MBNL1: variants seen among roughly 807,000 people sequenced by gnomAD.
MBNL1 encodes muscleblind-like protein 1.
In MBNL1, 8 loss-of-function variants were observed where a neutral mutation model predicts 42.2. The observed-to-expected ratio is 0.19, with a 90% confidence interval of 0.11 to 0.34. The LOEUF is 0.34. Ranked by LOEUF, MBNL1 falls within the 10% of genes least tolerant of loss-of-function variation. MBNL1 has a pLI of 1.00. For missense variants in MBNL1, 309 were observed against 495.3 expected (o/e 0.62, Z 3.57); for synonymous variants, 169 against 173.9 (o/e 0.97, Z 0.22).
chr3:152,341,487 A>G (rs1345027571), intron 2 of MBNL1, among the ~76,000 whole-genome samples: 1 of 152,222 alleles, frequency 6.6e-6, no homozygotes, highest in Non-Finnish European at 1.5e-5. Flanking sequence ...GTTAATTCTC[A>G]AAATAAGGTC....
intron 2 of MBNL1, among the ~76,000 whole-genome samples, chr3:152,367,803 G>A (rs2153223104): frequency 6.6e-6 from 1 of 152,136 alleles, no homozygotes; most frequent in South Asian, 2.1e-4. Context: ...TTTTTCATGT[G>A]TCTTTTGGCT....
intron 2 of MBNL1, among the ~76,000 whole-genome samples, chr3:152,364,535 C>T (rs2153187241): frequency 6.6e-6 from 1 of 152,018 alleles, no homozygotes; most frequent in East Asian, 1.9e-4. Flanking sequence ...ATATATTAAT[C>T]AGATTTGCCC....
At chr3:152,308,042 C>A (rs1021114383) in intron 2 of MBNL1, among the ~76,000 whole-genome samples, 1 of 152,122 alleles carries the variant, frequency 6.6e-6, no homozygotes, top group Non-Finnish European at 1.5e-5. Flanking sequence ...ATATAGCTGC[C>A]TCCCCAGTGC....
At chr3:152,325,347 C>T (rs1055389208) in intron 2 of MBNL1, among the ~76,000 whole-genome samples, 8 of 151,994 alleles carry the variant, frequency 5.3e-5, no homozygotes, top group East Asian at 1.9e-4. Flanking sequence ...CCACAGCCTA[C>T]GACTTACACC....
At chr3:152,337,778 T>A (rs866212852) in intron 2 of MBNL1, among the ~76,000 whole-genome samples, 1 of 152,208 alleles carries the variant, frequency 6.6e-6, no homozygotes, top group Non-Finnish European at 1.5e-5. Context: ...TCTTCTCTTA[T>A]CTCATTGAAT....
intron 2 of MBNL1, among the ~76,000 whole-genome samples, chr3:152,392,926 T>C (rs193260245): frequency 1.3e-5 from 2 of 152,312 alleles, no homozygotes; most frequent in East Asian, 3.9e-4. Context: ...AACATGCTTG[T>C]ACAGATGGCT....
In MBNL1 at chr3:152,290,107, T is replaced by C. The variant is rs375305998; in HGVS notation, c.-789-9298T>C. On this transcript the variant is annotated intron_variant, in intron 1 of 9. Transcript: ENST00000324210. ...TATAAATAAGCTAATACAATTTTCC[T>C]GATTGAGGTTATCACACCAGGTTTA... Among the ~76,000 whole-genome samples the C allele has an allele frequency of 8.7e-4, 132 of 152,218 alleles. 1 individual carries two copies. Among genetic ancestry groups the C allele is most frequent in the African/African-American group, 3.1e-3 (127 of 41,564 alleles).
At chr3:152,364,649 CTA>C (rs1467940999) in intron 2 of MBNL1, among the ~76,000 whole-genome samples, 1 of 151,816 alleles carries the variant, frequency 6.6e-6, no homozygotes, top group Non-Finnish European at 1.5e-5. Context: ...AAAAATCTAA[CTA>C]TGTTTTATTT....
intron 1 of MBNL1, among the ~76,000 whole-genome samples, chr3:152,294,621 A>C (rs2057756660): frequency 6.6e-6 from 1 of 152,102 alleles, no homozygotes; most frequent in South Asian, 2.1e-4. Flanking sequence ...TTGTTCAGAG[A>C]AGTTTATTAT....
rs779404995 is a variant in MBNL1 at position 152,415,154 on chromosome 3, A to G, written c.345+43A>G. On this transcript the variant is annotated intron_variant, in intron 3 of 9. Coordinates refer to ENST00000324210, the MANE Select transcript of MBNL1 (RefSeq NM_021038.5). ...CTTCACTCATTAAGTTTTTGATTCAAAGTGCTCAGTTGTAGTACTAAAGTG... is the reference window on the plus strand; with the variant it reads ...CTTCACTCATTAAGTTTTTGATTCAGAGTGCTCAGTTGTAGTACTAAAGTG... 8.5e-6 allele frequency: 13 copies of G among 1,521,342 alleles called. No homozygotes were observed. The East Asian group carries it at 1.2e-4, about 14-fold the overall frequency. The allele number at this position is 1,521,342 out of a possible 1,614,324, so 94.2% of individuals were successfully genotyped here. A position where few individuals can be genotyped will look rare whatever the true frequency, so the allele number is the denominator to read the frequency against.
chr3:152,338,863 G>T (rs904265493), intron 2 of MBNL1, among the ~76,000 whole-genome samples: 4 of 151,964 alleles, frequency 2.6e-5, no homozygotes, highest in African/African-American at 9.7e-5. Flanking sequence ...ATTCACATTA[G>T]TTTTATTTAT....
chr3:152,320,036 C>A (rs1560129473), intron 2 of MBNL1, among the ~76,000 whole-genome samples: 1 of 152,012 alleles, frequency 6.6e-6, no homozygotes. Context: ...TTGTTTCTAA[C>A]CCCCACTAGT....
chr3:152,412,668 C>A (rs190389422), intron 2 of MBNL1, among the ~76,000 whole-genome samples: 118 of 152,266 alleles, frequency 7.7e-4, no homozygotes, highest in African/African-American at 2.7e-3. Context: ...ATACCAAACA[C>A]ACGTGATTTC....
chr3:152,332,727 T>C (rs1016883388), intron 2 of MBNL1, among the ~76,000 whole-genome samples: 26 of 131,030 alleles, frequency 2.0e-4, no homozygotes, highest in African/African-American at 4.3e-4. Context: ...TGTGTGTGTG[T>C]GTGTGTGTGT....
chr3:152,403,878 A>AG (rs1278388836), intron 2 of MBNL1, among the ~76,000 whole-genome samples: 2 of 145,314 alleles, frequency 1.4e-5, no homozygotes, highest in Non-Finnish European at 3.0e-5. Context: ...GGTCATAGGC[A>AG]GGGGGGTGGG....
intron 2 of MBNL1, among the ~76,000 whole-genome samples, chr3:152,301,751 G>A (rs1273294146): frequency 2.0e-5 from 3 of 152,132 alleles, no homozygotes; most frequent in Admixed American, 6.5e-5. Flanking sequence ...TTGTACCTCC[G>A]TGAATGTGTA....
At chr3:152,358,725 C>T (rs1400963561) in intron 2 of MBNL1, among the ~76,000 whole-genome samples, 1 of 152,022 alleles carries the variant, frequency 6.6e-6, no homozygotes, top group African/African-American at 2.4e-5. Context: ...CATCAGTTAA[C>T]CTCTGAATTA....
intron 4 of MBNL1, among the ~76,000 whole-genome samples, chr3:152,442,365 A>G (rs527646476): frequency 2.6e-5 from 4 of 152,360 alleles, no homozygotes; most frequent in African/African-American, 9.6e-5. Context: ...ATTGTTGAGC[A>G]TAAAAGATCA....
chr3:152,314,763 A>G (rs2069560687), intron 2 of MBNL1, among the ~76,000 whole-genome samples: 1 of 152,228 alleles, frequency 6.6e-6, no homozygotes, highest in Non-Finnish European at 1.5e-5. Context: ...TACTTTTTCC[A>G]GCAAGTGTAA....
Sources: gnomAD v4.1 joint callset for allele counts (sites outside exome capture counted in the v4.1 genomes callset) on GRCh38, gnomAD v4.1.1 for gene constraint, MANE v1.5 for transcripts, NCBI Gene and HGNC (gene_info 2026-07-23, HGNC 2026-07-21) for gene names.